The following ABCB1 variants were observed in gnomAD, a reference collection of about 807,000 sequenced individuals.
ABCB1 encodes the protein ATP binding cassette subfamily B member 1.
Under a neutral mutation model 142.0 loss-of-function variants are expected in ABCB1, and 69 were observed. The observed-to-expected ratio is 0.49, with a 90% CI of 0.40 to 0.59. The LOEUF is 0.59. Among genes scored for constraint, ABCB1 ranks in the 20% least tolerant of loss-of-function variants. The probability of loss-of-function intolerance (pLI) is 0.00; values close to 1 mark genes in which losing one functional copy is unlikely to be tolerated. For missense variants in ABCB1, 1,326 were observed against 1,554.7 expected (o/e 0.85, Z 2.47); for synonymous variants, 532 against 539.2 (o/e 0.99, Z 0.18).
At chr7:87,591,878 G>A (rs1234269751) in intron 3 of ABCB1, among the ~76,000 whole-genome samples, 1 of 152,190 alleles carries the variant, frequency 6.6e-6, no homozygotes, top group East Asian at 1.9e-4. Context: ...ATAAGGGGTT[G>A]AGGAACTTAA....
At chr7:87,613,401 G>T (rs1819927519) in intron 1 of ABCB1, among the ~76,000 whole-genome samples, 1 of 149,080 alleles carries the variant, frequency 6.7e-6, no homozygotes, top group South Asian at 2.1e-4. Flanking sequence ...CTACCAAAAA[G>T]ACATATGTGC....
chr7:87,580,460 C>A (rs1041893160), intron 4 of ABCB1, among the ~76,000 whole-genome samples: 3 of 152,108 alleles, frequency 2.0e-5, no homozygotes, highest in Non-Finnish European at 2.9e-5. Context: ...TTCCTTTTCT[C>A]TTGCTCCTTT....
chr7:87,623,285 T>G (rs1003179161), intron 1 of ABCB1, among the ~76,000 whole-genome samples: 1 of 152,204 alleles, frequency 6.6e-6, no homozygotes, highest in Non-Finnish European at 1.5e-5. Context: ...CCCTTCTACA[T>G]GATAAAAAAT....
intron 8 of ABCB1, among the ~76,000 whole-genome samples, chr7:87,560,482 A>G (rs1391127797): frequency 6.6e-6 from 1 of 152,082 alleles, no homozygotes; most frequent in African/African-American, 2.4e-5. Context: ...TCCTTACACA[A>G]CTTCTCATCT....
chr7:87,505,759 G>T, intron 27 of ABCB1, 138 bp downstream of exon 27: 1 of 1,055,620 alleles, frequency 9.5e-7, no homozygotes, highest in Non-Finnish European at 1.4e-6. Context: ...AACAGCTACA[G>T]AAAGTGTTTA....
At chr7:87,620,410 G>A (rs1052431180) in intron 1 of ABCB1, among the ~76,000 whole-genome samples, 1 of 152,018 alleles carries the variant, frequency 6.6e-6, no homozygotes, top group African/African-American at 2.4e-5. Flanking sequence ...CACCCACCTC[G>A]GCCTCACAAA....
Position 87,566,813 on chromosome 7 carries a change from C to T in ABCB1, c.502G>A (p.Val168Ile), listed in dbSNP as rs61122623. Residue 168 changes from valine (V) to isoleucine (I), a missense_variant, in exon 6 of 28, where the codon GTT becomes ATT. Transcript: ENST00000622132. ...GTAAGTCGGGTGTTAAGCTCCCCAA[C>T]ATCGTGCACATCAAACCAGCCTATC... ...QEIGWFDVHD[V>I]GELNTRLTDD... is the part of the protein sequence containing the mutation. 1.2e-3 allele frequency: 1,954 copies of T among 1,614,164 alleles called. 2 individuals are homozygous for T. The highest frequency in any genetic ancestry group is 1.5e-3 in the Non-Finnish European group (1,792 of 1,180,028).
chr7:87,544,186 G>A lies in ABCB1; in HGVS notation c.2154C>T (p.Ala718=), dbSNP rs199815160. ...WPYFVVGVFC[A]IINGGLQPAF... ...CTGGTTGCAGGCCTCCATTTATAATGGCACAAAATACACCAACAACAAAAT... is the reference window on the plus strand; with the variant it reads ...CTGGTTGCAGGCCTCCATTTATAATAGCACAAAATACACCAACAACAAAAT... Residue 718 remains alanine, a synonymous_variant, in exon 17 of 28, where the codon GCC becomes GCT. Transcript: ENST00000622132. 31 of 1,613,704 alleles carry A rather than the reference G, an allele frequency of 1.9e-5. No individual in the cohort carries two copies. The highest frequency in any genetic ancestry group is 2.5e-5 in the Non-Finnish European group (29 of 1,179,906).
At chr7:87,625,242 G>A (rs1820368601) in intron 1 of ABCB1, among the ~76,000 whole-genome samples, 1 of 151,794 alleles carries the variant, frequency 6.6e-6, no homozygotes, top group African/African-American at 2.4e-5. Context: ...GTGCGACTGA[G>A]CGAGACTGCG....
rs1225609189 is a variant in ABCB1, at chr7:87,643,112, CT to C, written c.-330-42035del. ...TTACATTTCCTTATAGAGATGGGCT[CT>C]TGCTTTGTTGCTCAAACTCCTGACC... On this transcript the variant is annotated intron_variant, in intron 1 of 28. Transcript: ENST00000265724. 3.3e-5 allele frequency among the ~76,000 whole-genome samples: 5 copies of C among 152,258 alleles called. No homozygotes were observed. In the East Asian group the frequency reaches 9.7e-4, roughly 29 times the overall value.
intron 25 of ABCB1, among the ~76,000 whole-genome samples, chr7:87,511,022 A>G (rs1814981864): frequency 6.6e-6 from 1 of 152,214 alleles, no homozygotes; most frequent in African/African-American, 2.4e-5. Flanking sequence ...GGAGGAAAAC[A>G]GACACTGCCT....
Position 87,708,061 on chromosome 7 carries a change from A to C in ABCB1, c.-331+5100T>G, listed in dbSNP as rs150956696. On this transcript the variant is annotated intron_variant, in intron 1 of 28. Coordinates refer to the ABCB1 transcript ENST00000265724. ...GCTTTTGTGTATTTTAAAAAAGAAT[A>C]GAGGCTGGAAATTGGTTACCAAAAC... 6.6e-4 allele frequency among the ~76,000 whole-genome samples: 101 copies of C among 152,294 alleles called. 1 individual carries two copies. In the East Asian group the frequency reaches 0.018, roughly 26 times the overall value.
intron 1 of ABCB1, among the ~76,000 whole-genome samples, chr7:87,654,020 T>G (rs1420343625): frequency 6.6e-6 from 1 of 152,118 alleles, no homozygotes; most frequent in Non-Finnish European, 1.5e-5. Flanking sequence ...TTGCCTGAGC[T>G]GAAGTTTGAT....
chr7:87,614,956 C>T (rs1324530276), intron 1 of ABCB1, among the ~76,000 whole-genome samples: 1 of 152,048 alleles, frequency 6.6e-6, no homozygotes, highest in Non-Finnish European at 1.5e-5. Flanking sequence ...TGCCATTCTC[C>T]TGCCTCAGCC....
intron 1 of ABCB1, among the ~76,000 whole-genome samples, chr7:87,669,161 T>C (rs1409635562): frequency 6.6e-6 from 1 of 152,190 alleles, no homozygotes; most frequent in African/African-American, 2.4e-5. Context: ...TGGGTGCTTG[T>C]GTGTTGGGTA....
At chr7:87,698,862 G>T (rs1186738858) in intron 1 of ABCB1, among the ~76,000 whole-genome samples, 1 of 152,204 alleles carries the variant, frequency 6.6e-6, no homozygotes, top group Admixed American at 6.5e-5. Context: ...TGGGTTTCTG[G>T]AAGAGGCCTT....
intron 1 of ABCB1, among the ~76,000 whole-genome samples, chr7:87,712,041 A>G (rs894769934): frequency 6.6e-6 from 1 of 152,288 alleles, no homozygotes. Context: ...CATTCTTTCA[A>G]CTAACTAGCT....
chr7:87,710,239 G>T (rs1829946503), intron 1 of ABCB1, among the ~76,000 whole-genome samples: 2 of 152,042 alleles, frequency 1.3e-5, no homozygotes, highest in Admixed American at 6.5e-5. Context: ...TTGTTGATTT[G>T]CGGTATTGAA....
intron 1 of ABCB1, among the ~76,000 whole-genome samples, chr7:87,707,735 TATC>T (rs1829736727): frequency 6.6e-6 from 1 of 152,064 alleles, no homozygotes; most frequent in Non-Finnish European, 1.5e-5. Context: ...TATACATTCT[TATC>T]ATACACCCAG....
Sources: gnomAD v4.1 joint callset for allele counts (sites outside exome capture counted in the v4.1 genomes callset) on GRCh38, gnomAD v4.1.1 for gene constraint, MANE v1.5 for transcripts, NCBI Gene and HGNC (gene_info 2026-07-23, HGNC 2026-07-21) for gene names.